The following ASPRV1 variants were observed in gnomAD, a reference collection of about 807,000 sequenced individuals.
ASPRV1 encodes aspartic peptidase retroviral like 1.
Under a neutral mutation model 11.0 loss-of-function variants are expected in ASPRV1, and 7 were observed. The ratio of observed to expected loss-of-function variants is 0.64; its 90% confidence interval spans 0.36 to 1.20. ASPRV1 has a LOEUF of 1.20. Ranked by LOEUF, ASPRV1 falls within the 50% of genes most tolerant of loss-of-function variation. The pLI, the probability that ASPRV1 is intolerant of heterozygous loss-of-function variation, is 0.02. For missense variants in ASPRV1, 299 were observed against 320.0 expected (o/e 0.93, Z 0.50); for synonymous variants, 136 against 138.4 (o/e 0.98, Z 0.12).
the ASPRV1 span, chr2:70,012,223 C>G: frequency 6.6e-6 from 1 of 150,636 alleles, no homozygotes; most frequent in African/African-American, 2.5e-5. Flanking sequence ...AGTGCAATCT[C>G]GGCTCACTGC....
chr2:70,018,448 A>G, the ASPRV1 span, among the ~76,000 whole-genome samples: 2 of 152,126 alleles, frequency 1.3e-5, no homozygotes, highest in African/African-American at 2.4e-5. Flanking sequence ...TGGAACCACA[A>G]AAGACCCCAA....
the ASPRV1 span, among the ~76,000 whole-genome samples, chr2:69,935,971 C>T: frequency 1.3e-5 from 2 of 152,104 alleles, no homozygotes; most frequent in African/African-American, 4.8e-5. Flanking sequence ...CAGATTCTGC[C>T]TTGCCTGGTC....
chr2:69,960,106 C>T lies in ASPRV1; in HGVS notation c.*551G>A, dbSNP rs1408340142. ...TTACATGGTTTTTCCATGAATCAAT[C>T]TTTATTGGTGTTTGCAGCAATTGAA... On this transcript the variant is annotated 3_prime_UTR_variant, in exon 1 of 1. Transcript: ENST00000320256. 1 of 153,566 alleles carries T rather than the reference C, an allele frequency of 6.5e-6. No homozygotes were observed. Among genetic ancestry groups the T allele is most frequent in the Non-Finnish European group, 1.5e-5 (1 of 68,964 alleles). The allele number at this position is 153,566 out of a possible 1,614,324, so 9.5% of individuals were successfully genotyped here.
the ASPRV1 span, chr2:69,938,257 C>G: frequency 6.3e-5 from 102 of 1,614,178 alleles, no homozygotes; most frequent in Non-Finnish European, 8.3e-5. Flanking sequence ...AGCTGCAGGA[C>G]AGTCACAAGG....
chr2:69,940,443 G>C, the ASPRV1 span: 1 of 152,564 alleles, frequency 6.6e-6, no homozygotes, highest in Non-Finnish European at 1.5e-5. Flanking sequence ...CAAGACTTTG[G>C]AAAAAGCTTG....
the ASPRV1 span, among the ~76,000 whole-genome samples, chr2:70,066,157 G>A: frequency 1.3e-4 from 19 of 151,958 alleles, no homozygotes; most frequent in African/African-American, 3.6e-4. Flanking sequence ...TGCATGAGCC[G>A]AAATCATGCT....
the ASPRV1 span, among the ~76,000 whole-genome samples, chr2:69,994,791 A>G: frequency 2.6e-5 from 4 of 151,586 alleles, no homozygotes; most frequent in Non-Finnish European, 5.9e-5. Flanking sequence ...AGGTCAGGAG[A>G]TCAAGACCAT....
At chr2:70,066,757 C>T in the ASPRV1 span, among the ~76,000 whole-genome samples, 2 of 152,010 alleles carry the variant, frequency 1.3e-5, no homozygotes, top group Non-Finnish European at 2.9e-5. Context: ...ACCAGCACCA[C>T]ACTTGGCTAA....
At chr2:70,049,777 C>T in the ASPRV1 span, 1 of 152,130 alleles carries the variant, frequency 6.6e-6, no homozygotes, top group Non-Finnish European at 1.5e-5. Context: ...AACTGCTTTA[C>T]ATGGTATATT....
the ASPRV1 span, among the ~76,000 whole-genome samples, chr2:69,987,997 G>C: frequency 1.3e-5 from 2 of 152,206 alleles, no homozygotes; most frequent in African/African-American, 4.8e-5. Context: ...TGATGAAGAG[G>C]TTTAAAACCC....
the ASPRV1 span, among the ~76,000 whole-genome samples, chr2:70,058,056 T>G: frequency 6.6e-6 from 1 of 152,184 alleles, no homozygotes; most frequent in African/African-American, 2.4e-5. Context: ...GTGCTGGGAT[T>G]ACAGGCGTGA....
chr2:70,057,928 G>A, the ASPRV1 span, among the ~76,000 whole-genome samples: 1 of 151,992 alleles, frequency 6.6e-6, no homozygotes, highest in Non-Finnish European at 1.5e-5. Flanking sequence ...CGAGTAGCTG[G>A]GACTACAGGC....
At chr2:70,037,427 C>T in the ASPRV1 span, among the ~76,000 whole-genome samples, 1 of 152,110 alleles carries the variant, frequency 6.6e-6, no homozygotes, top group Non-Finnish European at 1.5e-5. Context: ...GCATTCAGGC[C>T]GTTCTCGTGC....
At chr2:70,020,162 T>C in the ASPRV1 span, among the ~76,000 whole-genome samples, 1 of 152,208 alleles carries the variant, frequency 6.6e-6, no homozygotes, top group Non-Finnish European at 1.5e-5. Context: ...ATGGTGTAGC[T>C]GCTGGAGAAA....
the ASPRV1 span, among the ~76,000 whole-genome samples, chr2:70,061,410 C>CA: frequency 6.4e-4 from 88 of 136,582 alleles, no homozygotes; most frequent in African/African-American, 1.6e-3. Flanking sequence ...AAAAAAAAAA[C>CA]AAAAAAAAAC....
At chr2:69,946,424 C>G in the ASPRV1 span, among the ~76,000 whole-genome samples, 41 of 152,266 alleles carry the variant, frequency 2.7e-4, no homozygotes, top group African/African-American at 9.4e-4. Flanking sequence ...CTCTGCTGAC[C>G]CGGTCTGTAG....
At chr2:70,019,551 T>C in the ASPRV1 span, among the ~76,000 whole-genome samples, 2 of 152,180 alleles carry the variant, frequency 1.3e-5, no homozygotes. Flanking sequence ...GAAAATGTGG[T>C]ACATATACAC....
At position 69,960,152 on chromosome 2, in the gene ASPRV1, G is replaced by A. The variant is rs1038485411; in HGVS notation, c.*505C>T. On this transcript the variant is annotated 3_prime_UTR_variant, in exon 1 of 1. Transcript: ENST00000320256. Reference sequence around the variant, plus strand: ...TTGAATTATTGGCATAAGGCACAATGGGCTTCAAAGCAAATGACAGAAAGA... The same window carrying A: ...TTGAATTATTGGCATAAGGCACAATAGGCTTCAAAGCAAATGACAGAAAGA... 6.4e-6 allele frequency: 1 copy of A among 155,694 alleles called. No homozygotes were observed. The highest frequency in any genetic ancestry group is 1.9e-4 in the East Asian group (1 of 5,278). 9.6% of individuals were successfully genotyped at this position (155,694 alleles called of 1,614,324 possible). A position where few individuals can be genotyped will look rare whatever the true frequency, so the allele number is the denominator to read the frequency against.
At chr2:70,032,493 CAA>C in the ASPRV1 span, among the ~76,000 whole-genome samples, 8 of 92,390 alleles carry the variant, frequency 8.7e-5, no homozygotes, top group Non-Finnish European at 9.4e-5. Context: ...TTGGTCTCTA[CAA>C]AAAAAAAAAA....
Sources: allele counts gnomAD v4.1 joint callset (sites outside exome capture counted in the v4.1 genomes callset), GRCh38; gene constraint gnomAD v4.1.1; transcripts MANE v1.5; gene names NCBI Gene and HGNC (gene_info 2026-07-23, HGNC 2026-07-21).